The following COL19A1 variants were observed in gnomAD, a reference collection of about 807,000 sequenced individuals.
The protein encoded by COL19A1 is collagen type XIX alpha 1 chain.
Under a neutral mutation model 190.2 loss-of-function variants are expected in COL19A1, and 159 were observed. That is an observed-to-expected ratio of 0.84 (90% CI 0.73 to 0.95). COL19A1 has a LOEUF of 0.95. Among genes scored for constraint, COL19A1 ranks in the 40% least tolerant of loss-of-function variants. The pLI is 0.00. For missense variants in COL19A1, 1,418 were observed against 1,431.9 expected, an observed-to-expected ratio of 0.99 and a Z score of 0.16; for synonymous variants, 509 against 458.9, an observed-to-expected ratio of 1.11 and a Z score of -1.39.
intron 1 of COL19A1, among the ~76,000 whole-genome samples, chr6:69,878,557 G>C (rs1002885084): frequency 6.6e-6 from 1 of 152,128 alleles, no homozygotes; most frequent in African/African-American, 2.4e-5. Flanking sequence ...CATTATCTAG[G>C]ATATGGAGAA....
At position 70,068,478 on chromosome 6, in the gene COL19A1, T is replaced by C. The variant is rs146139815; in HGVS notation, c.1224+2T>C. 1 of 1,587,526 alleles carries C rather than the reference T, an allele frequency of 6.3e-7. No homozygotes were observed. The highest frequency in any genetic ancestry group is 1.4e-5 in the African/African-American group (1 of 73,896). Reference sequence around the variant, plus strand: ...CCACCTGGAAAAGAGGGTCAGAGGGTAAGTAAAGCTGGAACAACTGGTGGG... The same window carrying C: ...CCACCTGGAAAAGAGGGTCAGAGGGCAAGTAAAGCTGGAACAACTGGTGGG... On this transcript the variant is annotated splice_donor_variant, in intron 15 of 50. Transcript: ENST00000620364. LOFTEE classifies it high-confidence loss of function.
intron 4 of COL19A1, among the ~76,000 whole-genome samples, chr6:69,921,454 TATATA>T (rs1771873344): frequency 2.4e-5 from 3 of 124,002 alleles, no homozygotes; most frequent in African/African-American, 6.9e-5. Context: ...TCATATATCA[TATATA>T]TCATATATAT....
chr6:69,915,249 C>G (rs1771212935), intron 4 of COL19A1, among the ~76,000 whole-genome samples: 1 of 152,176 alleles, frequency 6.6e-6, no homozygotes, highest in Admixed American at 6.5e-5. Context: ...TTGACAACAA[C>G]CCACCAGGGC....
intron 50 of COL19A1, 23 bp from the exon 51 acceptor site, chr6:70,207,124 T>C (rs1583169431): frequency 2.5e-6 from 4 of 1,582,146 alleles, no homozygotes; most frequent in East Asian, 2.2e-5. Context: ...ATCTGCATTG[T>C]AATTTTTTTT....
intron 9 of COL19A1, among the ~76,000 whole-genome samples, chr6:69,946,792 A>G (rs1053772649): frequency 2.0e-5 from 3 of 151,876 alleles, no homozygotes; most frequent in African/African-American, 7.3e-5. Context: ...TTTGATCAAA[A>G]TTTATGGTTA....
intron 14 of COL19A1, among the ~76,000 whole-genome samples, chr6:70,057,242 C>A (rs796481667): frequency 6.6e-6 from 1 of 152,112 alleles, no homozygotes; most frequent in African/African-American, 2.4e-5. Context: ...GTCAATCATA[C>A]ACCCACTTGC....
At chr6:70,140,790 T>C (rs1786198335) in intron 19 of COL19A1, among the ~76,000 whole-genome samples, 164 bp from the exon 20 acceptor site, 1 of 152,146 alleles carries the variant, frequency 6.6e-6, no homozygotes, top group South Asian at 2.1e-4. Context: ...AATTATCATA[T>C]ATTTCCTTTA....
At chr6:69,900,562 G>A (rs1345517253) in intron 4 of COL19A1, among the ~76,000 whole-genome samples, 2 of 151,930 alleles carry the variant, frequency 1.3e-5, no homozygotes, top group Non-Finnish European at 2.9e-5. Context: ...AAAAAGGCAC[G>A]ATCATTAGAG....
At chr6:69,892,542 C>T (rs559011248) in intron 2 of COL19A1, among the ~76,000 whole-genome samples, 1 of 152,288 alleles carries the variant, frequency 6.6e-6, no homozygotes, top group Non-Finnish European at 1.5e-5. Flanking sequence ...ATTATTTTTA[C>T]ATAGGTTTTT....
At chr6:70,181,220 C>T (rs990308864) in intron 44 of COL19A1, among the ~76,000 whole-genome samples, 1 of 152,062 alleles carries the variant, frequency 6.6e-6, no homozygotes, top group African/African-American at 2.4e-5. Context: ...GGAAAGAAGT[C>T]GAGGTGAACA....
chr6:69,997,653 G>A (rs527496797), intron 11 of COL19A1, among the ~76,000 whole-genome samples: 1 of 152,178 alleles, frequency 6.6e-6, no homozygotes, highest in Non-Finnish European at 1.5e-5. Context: ...GGAAAAATCA[G>A]TGAACTTAAA....
intron 14 of COL19A1, among the ~76,000 whole-genome samples, chr6:70,045,385 G>T (rs567643450): frequency 6.6e-6 from 1 of 150,460 alleles, no homozygotes; most frequent in African/African-American, 2.4e-5. Flanking sequence ...GTTCTTTGTT[G>T]ATTGTCTTTT....
Position 70,149,725 on chromosome 6 carries a change from G to A in COL19A1, c.1915G>A (p.Glu639Lys). Residue 639 changes from glutamate to lysine, a missense_variant, in exon 28 of 51, where the codon GAG (glutamate) becomes AAG (lysine). Transcript: ENST00000620364. ...TCAGGGCGCCCAAGGACCAGCTGGA[G>A]AGCCAGGTATTCAGGTAAGCTATTT... is the stretch of plus-strand genomic sequence containing the variant. ...GRTGAQGPAG[E>K]PGIQGPRGLP... The A allele has an allele frequency of 6.2e-7, 1 of 1,613,588 alleles. No homozygotes were observed. The highest frequency in any genetic ancestry group is 1.1e-5 in the South Asian group (1 of 91,060).
At chr6:70,136,854 G>A (rs1356832978) in intron 18 of COL19A1, among the ~76,000 whole-genome samples, 4 of 152,026 alleles carry the variant, frequency 2.6e-5, no homozygotes. Flanking sequence ...AAATGTAATG[G>A]TGAACATCAT....
chr6:70,066,839 T>C (rs1238293062), intron 14 of COL19A1, among the ~76,000 whole-genome samples: 2 of 152,064 alleles, frequency 1.3e-5, no homozygotes, highest in African/African-American at 4.8e-5. Flanking sequence ...ATTTGTATTA[T>C]CAGATTTTTC....
At chr6:70,162,890 T>G (rs1339303209) in intron 35 of COL19A1, among the ~76,000 whole-genome samples, 1 of 152,210 alleles carries the variant, frequency 6.6e-6, no homozygotes, top group African/African-American at 2.4e-5. Flanking sequence ...TATAGCTAAC[T>G]CTGTTCCCAA....
chr6:70,046,964 A>G (rs894695787), intron 14 of COL19A1, among the ~76,000 whole-genome samples: 49 of 152,258 alleles, frequency 3.2e-4, no homozygotes, highest in African/African-American at 1.2e-3. Context: ...TATATGTACC[A>G]ACTTTTTGAA....
chr6:70,206,886 A>G lies in COL19A1; in HGVS notation c.3224-15A>G. ...CCCTTTTTGTGTGTCTCTTTTTTAT[A>G]TATTTCTCACTTAGGCTACAGAGGA... On this transcript the variant is annotated splice_polypyrimidine_tract_variant and intron_variant, in intron 49 of 50. Transcript: ENST00000620364. 6.2e-7 allele frequency: 1 copy of G among 1,608,422 alleles called. No homozygotes were observed. The highest frequency in any genetic ancestry group is 8.5e-7 in the Non-Finnish European group (1 of 1,177,898).
chr6:69,940,579 C>G (rs1773406158), intron 9 of COL19A1, among the ~76,000 whole-genome samples: 1 of 152,126 alleles, frequency 6.6e-6, no homozygotes, highest in East Asian at 1.9e-4. Flanking sequence ...GACTTCTCAT[C>G]TGCAGTATGT....
Sources: gnomAD v4.1 joint callset for allele counts (sites outside exome capture counted in the v4.1 genomes callset) on GRCh38, gnomAD v4.1.1 for gene constraint, MANE v1.5 for transcripts, NCBI Gene and HGNC (gene_info 2026-07-23, HGNC 2026-07-21) for gene names.